GABRB2: variants seen among roughly 807,000 people sequenced by gnomAD.
GABRB2 encodes gamma-aminobutyric acid receptor subunit beta-2.
Under a neutral mutation model 54.7 loss-of-function variants are expected in GABRB2, and 16 were observed. That is an observed-to-expected ratio of 0.29 (90% CI 0.20 to 0.44). GABRB2 has a LOEUF of 0.44. GABRB2 is among the 20% of genes least tolerant of loss of function. The pLI, the probability that GABRB2 is intolerant of heterozygous loss-of-function variation, is 1.00. For synonymous variants in GABRB2, 244 were observed against 233.8 expected, an observed-to-expected ratio of 1.04 and a Z score of -0.40; for missense variants, 355 against 644.0, an observed-to-expected ratio of 0.55 and a Z score of 4.86.
chr5:161,529,874 T>G (rs866416175), intron 3 of GABRB2, among the ~76,000 whole-genome samples: 1 of 152,116 alleles, frequency 6.6e-6, no homozygotes, highest in Non-Finnish European at 1.5e-5. Context: ...TTCCTGATTA[T>G]AAACACATTC....
chr5:161,510,626 ATGTTT>A (rs570652887), intron 3 of GABRB2, among the ~76,000 whole-genome samples: 2 of 151,816 alleles, frequency 1.3e-5, no homozygotes, highest in Admixed American at 6.6e-5. Flanking sequence ...AGGATAATAA[ATGTTT>A]TGTTTTGTTT....
At chr5:161,370,361 T>C (rs1755096269) in intron 5 of GABRB2, among the ~76,000 whole-genome samples, 1 of 152,140 alleles carries the variant, frequency 6.6e-6, no homozygotes, top group Admixed American at 6.5e-5. Flanking sequence ...TTAACTCCAG[T>C]TTTGAGAGGC....
intron 3 of GABRB2, among the ~76,000 whole-genome samples, chr5:161,500,109 T>A (rs1759385156): frequency 6.6e-6 from 1 of 152,196 alleles, no homozygotes; most frequent in Non-Finnish European, 1.5e-5. Flanking sequence ...TTTACTAAGA[T>A]AATTTTTATC....
chr5:161,445,432 CCCA>C (rs1430966878), intron 4 of GABRB2, among the ~76,000 whole-genome samples: 1 of 151,334 alleles, frequency 6.6e-6, no homozygotes, highest in Non-Finnish European at 1.5e-5. Flanking sequence ...CCCCCCAATC[CCCA>C]CCATCTGAAT....
intron 3 of GABRB2, among the ~76,000 whole-genome samples, chr5:161,535,952 C>T (rs1760621225): frequency 6.6e-6 from 1 of 152,034 alleles, no homozygotes; most frequent in East Asian, 1.9e-4. Context: ...CTGGTACCTC[C>T]CCCTACTGGC....
chr5:161,502,792 A>G lies in GABRB2; in HGVS notation c.237+42435T>C, dbSNP rs534409512. Among the ~76,000 whole-genome samples the G allele has an allele frequency of 5.3e-5, 8 of 152,350 alleles. 1 individual carries two copies. In the South Asian group the frequency reaches 1.7e-3, roughly 32 times the overall value. On this transcript the variant is annotated intron_variant, in intron 3 of 9. Transcript: ENST00000393959. ...CTGATGAAGTAGCCGAAATTTGTAAAGCAAACTACTGGGTAGGATACTGGA... is the reference window on the plus strand; with the variant it reads ...CTGATGAAGTAGCCGAAATTTGTAAGGCAAACTACTGGGTAGGATACTGGA...
intron 5 of GABRB2, among the ~76,000 whole-genome samples, chr5:161,384,679 T>A (rs1162046601): frequency 6.6e-6 from 1 of 152,210 alleles, no homozygotes; most frequent in Middle Eastern, 3.2e-3. Context: ...CTGAGGATAA[T>A]TGTGTCAAAG....
chr5:161,417,019 G>C (rs569117319), intron 4 of GABRB2, among the ~76,000 whole-genome samples: 2 of 152,120 alleles, frequency 1.3e-5, no homozygotes, highest in African/African-American at 2.4e-5. Context: ...ATTAGAGTAT[G>C]AACTAAACTT....
At chr5:161,334,119 G>C (rs1753925846) in intron 7 of GABRB2, among the ~76,000 whole-genome samples, 1 of 152,116 alleles carries the variant, frequency 6.6e-6, no homozygotes, top group East Asian at 1.9e-4. Flanking sequence ...ACATTTTAAA[G>C]GGAATAGTCA....
At chr5:161,337,360 A>C (rs1287668125) in intron 5 of GABRB2, among the ~76,000 whole-genome samples, 8 of 152,170 alleles carry the variant, frequency 5.3e-5, no homozygotes, top group Non-Finnish European at 8.8e-5. Context: ...TTGATTTTCA[A>C]ATTTGACTTT....
intron 9 of GABRB2, among the ~76,000 whole-genome samples, chr5:161,318,212 A>G (rs1580975015): frequency 6.6e-6 from 1 of 152,042 alleles, no homozygotes. Flanking sequence ...GAGAGAAAAT[A>G]TATATAGAAA....
At chr5:161,407,630 C>T (rs1011206790) in intron 5 of GABRB2, among the ~76,000 whole-genome samples, 3 of 151,892 alleles carry the variant, frequency 2.0e-5, no homozygotes, top group Non-Finnish European at 4.4e-5. Context: ...TGACATTTCC[C>T]TAGAAAAATA....
chr5:161,484,617 T>C (rs953269339), intron 3 of GABRB2, among the ~76,000 whole-genome samples: 1 of 152,026 alleles, frequency 6.6e-6, no homozygotes, highest in Non-Finnish European at 1.5e-5. Flanking sequence ...AGGCTATGTA[T>C]ACAACTGAAA....
chr5:161,426,880 T>G (rs1757016978), intron 4 of GABRB2, among the ~76,000 whole-genome samples: 2 of 152,132 alleles, frequency 1.3e-5, no homozygotes, highest in African/African-American at 2.4e-5. Flanking sequence ...CAGGAGCTAT[T>G]AGAAAAGAAG....
At chr5:161,478,398 T>C (rs113058795) in intron 3 of GABRB2, among the ~76,000 whole-genome samples, 2,893 of 152,130 alleles carry the variant, frequency 0.019, 38 homozygotes, top group Middle Eastern at 0.078. Flanking sequence ...TGACCAGATA[T>C]GGTAAATCTG....
chr5:161,486,371 A>G (rs1758921455), intron 3 of GABRB2, among the ~76,000 whole-genome samples: 1 of 151,964 alleles, frequency 6.6e-6, no homozygotes, highest in South Asian at 2.1e-4. Context: ...CATCTACCAC[A>G]AATGAGCAGC....
chr5:161,385,547 C>T (rs555455945), intron 5 of GABRB2, among the ~76,000 whole-genome samples: 1 of 152,068 alleles, frequency 6.6e-6, no homozygotes, highest in African/African-American at 2.4e-5. Context: ...GAGAAATTGC[C>T]CTTAGCTTGT....
chr5:161,382,473 A>G (rs906739969), intron 5 of GABRB2, among the ~76,000 whole-genome samples: 16 of 152,110 alleles, frequency 1.1e-4, no homozygotes, highest in Non-Finnish European at 1.8e-4. Context: ...CTTTAATCAC[A>G]TAAGCGAATG....
chr5:161,340,757 T>TA (rs1287231886), intron 5 of GABRB2, among the ~76,000 whole-genome samples: 1 of 152,058 alleles, frequency 6.6e-6, no homozygotes, highest in African/African-American at 2.4e-5. Flanking sequence ...TAAGAATTAT[T>TA]AAAAATAAAT....
Sources: gnomAD v4.1 joint callset for allele counts (sites outside exome capture counted in the v4.1 genomes callset) on GRCh38, gnomAD v4.1.1 for gene constraint, MANE v1.5 for transcripts, NCBI Gene and HGNC (gene_info 2026-07-23, HGNC 2026-07-21) for gene names.